Variants in NUAK1 observed in about 807,000 individuals in gnomAD.
NUAK1 encodes NUAK family SNF1-like kinase 1.
NUAK1 carries 26 observed loss-of-function variants against 56.9 expected under a neutral mutation model. The ratio of observed to expected loss-of-function variants is 0.46; its 90% CI spans 0.33 to 0.63. The LOEUF is 0.63. Ranked by LOEUF, NUAK1 falls within the 30% of genes least tolerant of loss-of-function variation. The pLI is 0.02. For synonymous variants in NUAK1, 337 were observed against 336.0 expected (o/e 1.00, Z -0.03); for missense variants, 727 against 876.1 (o/e 0.83, Z 2.15).
chr12:106,105,542 C>A (rs951619862), intron 2 of NUAK1, among the ~76,000 whole-genome samples: 1 of 151,654 alleles, frequency 6.6e-6, no homozygotes, highest in African/African-American at 2.4e-5. Flanking sequence ...AAAAGATGCA[C>A]GAGACAACAA....
At chr12:106,072,600 A>C in intron 5 of NUAK1, 124 bp downstream of exon 5, 1 of 1,088,832 alleles carries the variant, frequency 9.2e-7, no homozygotes, top group Non-Finnish European at 1.3e-6. Context: ...CGTATAAGGA[A>C]ACGTTTTCCT....
Position 106,083,844 on chromosome 12 carries a change from C to T in NUAK1, c.579+20G>A, listed in dbSNP as rs758779633. On this transcript the variant is annotated intron_variant, in intron 4 of 6. Transcript: ENST00000261402. ...CAAGACCCAGGCCCTGCATATCAAT[C>T]GACGACGCAAGGGCTTTACCTTAAT... is the stretch of plus-strand genomic sequence containing the variant. 1.4e-5 allele frequency: 23 copies of T among 1,612,120 alleles called. No homozygotes were observed. Among genetic ancestry groups the T allele is most frequent in the Admixed American group, 5.0e-5 (3 of 60,012 alleles).
chr12:106,100,411 T>A (rs1374983863), intron 2 of NUAK1, among the ~76,000 whole-genome samples: 1 of 152,108 alleles, frequency 6.6e-6, no homozygotes, highest in Non-Finnish European at 1.5e-5. Context: ...GTTCCCTTTG[T>A]ATGGCATTCC....
chr12:106,095,313 T>C (rs2032686070), intron 2 of NUAK1, among the ~76,000 whole-genome samples: 1 of 152,200 alleles, frequency 6.6e-6, no homozygotes, highest in Non-Finnish European at 1.5e-5. Flanking sequence ...TCCCCAATTC[T>C]GGCAGTGATG....
Position 106,063,389 on chromosome 12 carries a change from C to CA in NUAK1, c.*3412dup, listed in dbSNP as rs1455687210. ...TTTAATTTAAAAATAAAAACAGAAACAAAAACCAAAATGAAACAAAAATCA... is the reference window on the plus strand; with the variant it reads ...TTTAATTTAAAAATAAAAACAGAAACAAAAAACCAAAATGAAACAAAAATCA... On this transcript the variant is annotated 3_prime_UTR_variant, in exon 7 of 7. Coordinates refer to ENST00000261402, the MANE Select transcript of NUAK1 (RefSeq NM_014840.3). 2 of 152,312 alleles carry CA rather than the reference C, an allele frequency of 1.3e-5. No individual in the cohort carries two copies. Among genetic ancestry groups the CA allele is most frequent in the Non-Finnish European group, 2.9e-5 (2 of 68,002 alleles). The allele number at this position is 152,312 out of a possible 1,614,324, so 9.4% of individuals were successfully genotyped here.
At chr12:106,094,056 A>G (rs1456268653) in intron 2 of NUAK1, among the ~76,000 whole-genome samples, 1 of 147,606 alleles carries the variant, frequency 6.8e-6, no homozygotes, top group Non-Finnish European at 1.5e-5. Flanking sequence ...CCATCCGCCC[A>G]CCTCAGCCTC....
chr12:106,098,975 G>T lies in NUAK1; in HGVS notation c.361+7430C>A, dbSNP rs551131684. Among the ~76,000 whole-genome samples, 8 of 152,274 alleles carry T rather than the reference G, an allele frequency of 5.3e-5. No homozygotes were observed. The East Asian group carries it at 1.5e-3, about 29-fold the overall frequency. On this transcript the variant is annotated intron_variant, in intron 2 of 6. Coordinates refer to ENST00000261402, the MANE Select transcript of NUAK1 (RefSeq NM_014840.3). ...CTGAGAGAATGGAATTCCTTTGACT[G>T]GAAACAGGGGTCCCTCTTTGAGATG...
intron 2 of NUAK1, among the ~76,000 whole-genome samples, chr12:106,097,892 G>A (rs1200892949): frequency 6.6e-6 from 1 of 152,236 alleles, no homozygotes; most frequent in East Asian, 1.9e-4. Context: ...TTTACCAGGG[G>A]CCTGCCATTC....
intron 1 of NUAK1, among the ~76,000 whole-genome samples, chr12:106,131,996 T>C (rs2033082982): frequency 2.0e-5 from 3 of 152,192 alleles, no homozygotes; most frequent in African/African-American, 7.2e-5. Flanking sequence ...AAGCAGATAC[T>C]TCACAAATCA....
At chr12:106,073,964 T>C (rs1326230481) in intron 4 of NUAK1, among the ~76,000 whole-genome samples, 2 of 152,244 alleles carry the variant, frequency 1.3e-5, no homozygotes, top group South Asian at 2.1e-4. Context: ...AAGTGTTTTA[T>C]GTGTTATCAT....
At chr12:106,131,841 C>A (rs1162575052) in intron 1 of NUAK1, among the ~76,000 whole-genome samples, 1 of 152,100 alleles carries the variant, frequency 6.6e-6, no homozygotes, top group Non-Finnish European at 1.5e-5. Flanking sequence ...TGGGCTGTTT[C>A]CAGGGAATTT....
At position 106,067,043 on chromosome 12, in the gene NUAK1, G is replaced by T. The variant is rs1342855138; in HGVS notation, c.1745C>A (p.Ser582Tyr). 2 of 1,614,118 alleles carry T rather than the reference G, an allele frequency of 1.2e-6. No individual in the cohort carries two copies. The highest frequency in any genetic ancestry group is 1.3e-5 in the African/African-American group (1 of 74,950). The part of the protein sequence containing the change: ...ISDDSVLSSD[S>Y]FDLLDLQENR... ...CTCCTGCAAATCCAGCAAGTCAAAA[G>T]AGTCGCTGGACAGCACGCTGTCATC... Residue 582 changes from serine (S) to tyrosine (Y), a missense_variant, in exon 7 of 7, where the codon TCT becomes TAT. Physicochemically the swap from Ser to Tyr is moderately radical, Grantham distance 144 (BLOSUM62 -2). Transcript: ENST00000261402. The surrounding 1 kb of genome is among the most constrained non-coding windows in gnomAD (Gnocchi z 6.0).
At chr12:106,135,909 C>A (rs371603118) in intron 1 of NUAK1, among the ~76,000 whole-genome samples, 41 of 152,302 alleles carry the variant, frequency 2.7e-4, no homozygotes, top group African/African-American at 9.4e-4. Flanking sequence ...AACTCGTTGA[C>A]CAATTTTTTG....
At chr12:106,082,549 C>T (rs1249339552) in intron 4 of NUAK1, among the ~76,000 whole-genome samples, 1 of 152,216 alleles carries the variant, frequency 6.6e-6, no homozygotes, top group African/African-American at 2.4e-5. Flanking sequence ...AACCAGTGCT[C>T]CTTCTAGAAT....
chr12:106,066,391 A>AG lies in NUAK1; in HGVS notation c.*410dup. ...CCTAGCTTGCTAATACAAGGAGAAA[A>AG]GGGGCAAGTTCTTTGGGCTCACCCA... is the stretch of plus-strand genomic sequence containing the variant. On this transcript the variant is annotated 3_prime_UTR_variant, in exon 7 of 7. Coordinates refer to ENST00000261402, the MANE Select transcript of NUAK1 (RefSeq NM_014840.3). 1 of 175,388 alleles carries AG rather than the reference A, an allele frequency of 5.7e-6. No homozygotes were observed. The highest frequency in any genetic ancestry group is 1.2e-5 in the Non-Finnish European group (1 of 81,406). 10.9% of individuals were successfully genotyped at this position (175,388 alleles called of 1,614,324 possible).
intron 1 of NUAK1, among the ~76,000 whole-genome samples, chr12:106,120,881 C>A (rs1148429): frequency 0.4 from 61,078 of 151,986 alleles, 13,328 homozygotes; most frequent in East Asian, 0.49. Flanking sequence ...ATGGATGGGG[C>A]CACCTTCAGG....
intron 4 of NUAK1, among the ~76,000 whole-genome samples, chr12:106,078,263 T>TA (rs1328750575): frequency 6.6e-6 from 1 of 152,220 alleles, no homozygotes; most frequent in Non-Finnish European, 1.5e-5. Flanking sequence ...AGCATTGCTA[T>TA]ATGCCAGGCA....
At chr12:106,095,919 G>C (rs2032691881) in intron 2 of NUAK1, among the ~76,000 whole-genome samples, 1 of 152,206 alleles carries the variant, frequency 6.6e-6, no homozygotes, top group Admixed American at 6.5e-5. Flanking sequence ...GCTGTCAGAA[G>C]TCATGGTGGG....
At chr12:106,110,076 G>T (rs2032843173) in intron 1 of NUAK1, among the ~76,000 whole-genome samples, 1 of 152,132 alleles carries the variant, frequency 6.6e-6, no homozygotes, top group Admixed American at 6.5e-5. Flanking sequence ...GATCAGATCA[G>T]CTGGTTACAC....
Sources: allele counts gnomAD v4.1 joint callset (sites outside exome capture counted in the v4.1 genomes callset), GRCh38; gene constraint gnomAD v4.1.1; non-coding constraint Gnocchi (gnomAD v3.1); transcripts MANE v1.5; gene names NCBI Gene and HGNC (gene_info 2026-07-23, HGNC 2026-07-21).